Variants in NUBPL observed in about 807,000 individuals in gnomAD.
The protein encoded by NUBPL is NUBP iron-sulfur cluster assembly factor, mitochondrial.
In NUBPL, 31 loss-of-function variants were observed where a neutral mutation model predicts 45.7. The ratio of observed to expected loss-of-function variants is 0.68; its 90% confidence interval spans 0.51 to 0.92. The LOEUF (loss-of-function observed/expected upper bound fraction) is 0.92. NUBPL is among the 40% of genes least tolerant of loss of function. The pLI is 0.00. For synonymous variants in NUBPL, 144 were observed against 140.9 expected (o/e 1.02, Z -0.15); for missense variants, 401 against 398.7 (o/e 1.01, Z -0.05).
chr14:31,705,015 G>A (rs56091700), intron 6 of NUBPL, among the ~76,000 whole-genome samples: 44,817 of 152,050 alleles, frequency 0.29, 7,487 homozygotes, highest in South Asian at 0.41. Flanking sequence ...AGACCTTCGC[G>A]GTGAGTGTTA....
chr14:31,714,005 A>T (rs941024414), intron 6 of NUBPL, among the ~76,000 whole-genome samples: 1 of 152,212 alleles, frequency 6.6e-6, no homozygotes, highest in East Asian at 1.9e-4. Context: ...CTGATTGGCT[A>T]TGTAGAAACT....
intron 7 of NUBPL, among the ~76,000 whole-genome samples, chr14:31,804,506 A>T (rs12433494): frequency 0.38 from 57,272 of 151,932 alleles, 12,002 homozygotes; most frequent in South Asian, 0.47. Flanking sequence ...TCAAGAGGTC[A>T]TCTAGCCTGT....
chr14:31,839,305 C>A (rs1959071), intron 8 of NUBPL, among the ~76,000 whole-genome samples: 61,566 of 151,956 alleles, frequency 0.41, 12,765 homozygotes, highest in South Asian at 0.53. Context: ...AGAGCCTAGA[C>A]ATCATATATT....
At chr14:31,651,045 C>G (rs191101071) in intron 4 of NUBPL, among the ~76,000 whole-genome samples, 1 of 152,178 alleles carries the variant, frequency 6.6e-6, no homozygotes, top group Admixed American at 6.5e-5. Flanking sequence ...CTCATTAATC[C>G]CTGCCTCTAA....
intron 7 of NUBPL, among the ~76,000 whole-genome samples, chr14:31,807,951 C>T (rs2039722929): frequency 6.6e-6 from 1 of 152,158 alleles, no homozygotes; most frequent in Admixed American, 6.5e-5. Context: ...GGTATTATTT[C>T]TGAGGGCTCT....
intron 6 of NUBPL, chr14:31,771,780 T>C (rs2138764996): frequency 1.6e-6 from 1 of 624,258 alleles, no homozygotes; most frequent in Admixed American, 6.3e-5. Flanking sequence ...CCTTGTGCTC[T>C]CCTTTACCTA....
intron 3 of NUBPL, among the ~76,000 whole-genome samples, chr14:31,579,442 C>T (rs919370536): frequency 6.6e-6 from 1 of 152,130 alleles, no homozygotes; most frequent in Non-Finnish European, 1.5e-5. Flanking sequence ...GGCATAATTC[C>T]ACTGGTTTCT....
intron 4 of NUBPL, among the ~76,000 whole-genome samples, chr14:31,666,047 C>G (rs1219904621): frequency 6.7e-6 from 1 of 150,266 alleles, no homozygotes; most frequent in Non-Finnish European, 1.5e-5. Flanking sequence ...TAGGATTGTA[C>G]CCTGGTTTTT....
intron 6 of NUBPL, among the ~76,000 whole-genome samples, chr14:31,698,560 T>A (rs2037264469): frequency 2.0e-5 from 3 of 152,188 alleles, no homozygotes; most frequent in African/African-American, 7.2e-5. Flanking sequence ...CTTGCTACTT[T>A]TTAAAGCAAG....
rs549568194 is a variant in NUBPL, at chr14:31,801,242, A to G, written c.607+13369A>G. ...CTCATCTCCTTTTGTCCCTCCTGAT[A>G]GTGGATCCCCATTGAGAGCCAGAAG... On this transcript the variant is annotated intron_variant, in intron 7 of 10. Coordinates refer to ENST00000281081, the MANE Select transcript of NUBPL (RefSeq NM_025152.3). The G allele has an allele frequency of 6.6e-5, 10 of 152,362 alleles. No individual in the cohort carries two copies. In the East Asian group the frequency reaches 1.4e-3, roughly 21 times the overall value. 9.4% of individuals were successfully genotyped at this position (152,362 alleles called of 1,614,324 possible). A position where few individuals can be genotyped will look rare whatever the true frequency, so the allele number is the denominator to read the frequency against.
Position 31,787,865 on chromosome 14 carries a change from C to A in NUBPL, c.599C>A (p.Pro200His). 6.2e-7 allele frequency: 1 copy of A among 1,603,592 alleles called. No individual in the cohort carries two copies. Among genetic ancestry groups the A allele is most frequent in the South Asian group, 1.1e-5 (1 of 90,862 alleles). The change falls in exon 7 of 11, where the codon CCT becomes CAT. Residue 200 changes from proline (P) to histidine (H), a missense_variant. Pro to His is a moderately conservative substitution (Grantham distance 77). Coordinates refer to ENST00000281081, the MANE Select transcript of NUBPL (RefSeq NM_025152.3). Reference protein sequence around the residue: ...DVQLSVSQNIPITGAVIVSTP... With the variant: ...DVQLSVSQNIHITGAVIVSTP... The stretch of plus-strand genomic sequence containing the variant: ...CAGTTATCAGTCTCACAGAATATTC[C>A]TATAACAGGTAAATCTTCAAAGTTT...
chr14:31,634,062 C>T (rs2035417703), intron 4 of NUBPL, among the ~76,000 whole-genome samples: 2 of 151,634 alleles, frequency 1.3e-5, no homozygotes, highest in Admixed American at 6.6e-5. Context: ...AGAAAAGCGA[C>T]AAAATCAGTT....
At chr14:31,751,648 T>G (rs552244175) in intron 6 of NUBPL, among the ~76,000 whole-genome samples, 11 of 152,352 alleles carry the variant, frequency 7.2e-5, no homozygotes, top group African/African-American at 2.6e-4. Context: ...TGCCTGTGGC[T>G]TTTCCAAGTG....
chr14:31,742,882 C>T (rs2038316497), intron 6 of NUBPL, among the ~76,000 whole-genome samples: 1 of 151,844 alleles, frequency 6.6e-6, no homozygotes, highest in South Asian at 2.1e-4. Context: ...GCTGGGATTA[C>T]AGGCGTGAGC....
Position 31,798,085 on chromosome 14 carries a change from G to T in NUBPL, c.607+10212G>T, listed in dbSNP as rs568260471. 5.3e-5 allele frequency among the ~76,000 whole-genome samples: 8 copies of T among 151,528 alleles called. No homozygotes were observed. The East Asian group carries it at 1.6e-3, about 30-fold the overall frequency. Reference sequence around the variant, plus strand: ...GCCCCCACTCTCTTCTGGCTTGTAGGGTTTCTGCCGAGAGATCCGCTGTTA... The same window carrying T: ...GCCCCCACTCTCTTCTGGCTTGTAGTGTTTCTGCCGAGAGATCCGCTGTTA... On this transcript the variant is annotated intron_variant, in intron 7 of 10. Coordinates refer to ENST00000281081, the MANE Select transcript of NUBPL (RefSeq NM_025152.3).
chr14:31,844,125 T>C (rs2040417598), intron 8 of NUBPL: 1 of 152,244 alleles, frequency 6.6e-6, no homozygotes, highest in Non-Finnish European at 1.5e-5. Flanking sequence ...AATGATGTGA[T>C]AAGAAGATGT....
At chr14:31,614,612 T>C (rs2034847338) in intron 4 of NUBPL, among the ~76,000 whole-genome samples, 1 of 152,232 alleles carries the variant, frequency 6.6e-6, no homozygotes. Context: ...TAAAAACTTA[T>C]GATTATTTTA....
intron 6 of NUBPL, among the ~76,000 whole-genome samples, chr14:31,734,440 G>A (rs1019934214): frequency 6.6e-6 from 1 of 152,062 alleles, no homozygotes; most frequent in Non-Finnish European, 1.5e-5. Flanking sequence ...TGCACACAGT[G>A]GTTCTGGAAA....
At chr14:31,650,771 A>G (rs961371767) in intron 4 of NUBPL, among the ~76,000 whole-genome samples, 19 of 152,202 alleles carry the variant, frequency 1.2e-4, no homozygotes, top group African/African-American at 3.9e-4. Flanking sequence ...ATAAAGAAAA[A>G]AGGTGTATTT....
Sources: allele counts gnomAD v4.1 joint callset (sites outside exome capture counted in the v4.1 genomes callset), GRCh38; gene constraint gnomAD v4.1.1; transcripts MANE v1.5; gene names NCBI Gene and HGNC (gene_info 2026-07-23, HGNC 2026-07-21).